DNAH1: variants seen among roughly 807,000 people sequenced by gnomAD.
DNAH1 encodes axonemal beta dynein heavy chain 1.
In DNAH1, 327 loss-of-function variants were observed where a neutral mutation model predicts 484.3. The observed-to-expected ratio is 0.68, with a 90% CI of 0.62 to 0.74. The LOEUF (loss-of-function observed/expected upper bound fraction) is 0.74, where lower values mean the gene tolerates loss of function less well. Among genes scored for constraint, DNAH1 ranks in the 30% least tolerant of loss-of-function variants. The probability of loss-of-function intolerance (pLI) is 0.00; values close to 1 mark genes in which losing one functional copy is unlikely to be tolerated. For synonymous variants in DNAH1, 2,192 were observed against 2,191.9 expected, an observed-to-expected ratio of 1.00 and a Z score of 0.00; for missense variants, 5,052 against 5,546.8, an observed-to-expected ratio of 0.91 and a Z score of 2.83.
rs749092447 is a variant in DNAH1 at position 52,331,199 on chromosome 3, T to G, written c.923T>G (p.Leu308Arg). 1.9e-6 allele frequency: 3 copies of G among 1,607,854 alleles called. No individual in the cohort carries two copies. The highest frequency in any genetic ancestry group is 2.7e-5 in the African/African-American group (2 of 74,850). ...LKYKWCEVGV[L>R]DYDEEKKLYL... ...TACAAATGGTGCGAGGTCGGCGTCCTGGACTACGACGAGGAGAAGAAGCTA... is the reference window on the plus strand; with the variant it reads ...TACAAATGGTGCGAGGTCGGCGTCCGGGACTACGACGAGGAGAAGAAGCTA... Residue 308 changes from leucine (L) to arginine (R), a missense_variant, in exon 7 of 78, where the codon CTG becomes CGG. Around this residue, in one of 4 missense-constraint regions of DNAH1, gnomAD observed 1,263 missense variants for 1,218.8 expected, o/e 1.04. Coordinates refer to ENST00000420323, the MANE Select transcript of DNAH1 (RefSeq NM_015512.5).
In DNAH1 at chr3:52,391,431, C is replaced by T. The variant is rs755241915; in HGVS notation, c.9892-12C>T. The T allele has an allele frequency of 1.6e-5, 25 of 1,605,934 alleles. No homozygotes were observed. In the South Asian group the frequency reaches 2.7e-4, roughly 17 times the overall value. ...CTCAGGCCACAGTACCCACCGGTCC[C>T]ACCCACCACAGACGTACAAGCAGCA... On this transcript the variant is annotated splice_polypyrimidine_tract_variant and intron_variant, in intron 62 of 77. Coordinates refer to ENST00000420323, the MANE Select transcript of DNAH1 (RefSeq NM_015512.5).
rs773433047 is a variant in DNAH1, at chr3:52,352,080, C to A, written c.2848C>A (p.Gln950Lys). The A allele has an allele frequency of 5.1e-6, 8 of 1,583,190 alleles. No individual in the cohort carries two copies. Among genetic ancestry groups the A allele is most frequent in the African/African-American group, 1.3e-5 (1 of 74,182 alleles). Residue 950 changes from glutamine (Q) to lysine (K), a missense_variant, in exon 17 of 78, where the codon CAA (glutamine) becomes AAA (lysine). By Grantham distance (53) the Gln-to-Lys change is moderately conservative. Around this residue, in one of 4 missense-constraint regions of DNAH1, gnomAD observed 1,263 missense variants for 1,218.8 expected, o/e 1.04. Transcript: ENST00000420323. ...CCAGATCATGGATCAGAACAACTTC[C>A]AAGAGAAGCTGGAAGGGCTGCAGGT... is the stretch of plus-strand genomic sequence containing the variant. ...KIQIMDQNNF[Q>K]EKLEGLQLVV...
At chr3:52,348,086 C>T in intron 12 of DNAH1, 112 bp downstream of exon 12, 3 of 1,125,610 alleles carry the variant, frequency 2.7e-6, no homozygotes, top group Middle Eastern at 2.9e-4. Flanking sequence ...TCCTGTCGGG[C>T]AGGCAGCATG....
intron 46 of DNAH1, among the ~76,000 whole-genome samples, chr3:52,376,509 C>A (rs998210608): frequency 6.6e-6 from 1 of 152,288 alleles, no homozygotes; most frequent in Non-Finnish European, 1.5e-5. Flanking sequence ...CTTACCTGCG[C>A]CCTGCCTTCC....
Position 52,366,745 on chromosome 3 carries a change from C to A in DNAH1, c.5623C>A (p.Leu1875Met). 1 of 1,612,570 alleles carries A rather than the reference C, an allele frequency of 6.2e-7. No individual in the cohort carries two copies. Among genetic ancestry groups the A allele is most frequent in the Non-Finnish European group, 8.5e-7 (1 of 1,178,988 alleles). ...GSGKSTCYRV[L>M]AAAMTSLKGQ... is the part of the protein sequence containing the mutation. ...GTCCGTCTCCCAGTGTTACAGAGTCCTGGCAGCTGCCATGACGTCACTGAA... is the reference window on the plus strand; with the variant it reads ...GTCCGTCTCCCAGTGTTACAGAGTCATGGCAGCTGCCATGACGTCACTGAA... Residue 1875 changes from leucine to methionine, a missense_variant, in exon 36 of 78, where the codon CTG becomes ATG. This residue lies in a region of DNAH1 where 2,929 missense variants were observed against 3,409.4 expected (regional missense o/e 0.86). Transcript: ENST00000420323.
At chr3:52,327,800 C>T in intron 5 of DNAH1, 82 bp from the exon 6 acceptor site, 1 of 1,544,868 alleles carries the variant, frequency 6.5e-7, no homozygotes, top group Non-Finnish European at 8.9e-7. Context: ...TACTTAGGCA[C>T]CCCATCCTTT....
intron 6 of DNAH1, 105 bp from the exon 7 acceptor site, chr3:52,331,043 A>C: frequency 7.4e-7 from 1 of 1,359,538 alleles, no homozygotes; most frequent in Non-Finnish European, 9.9e-7. Flanking sequence ...GAGACGCCAG[A>C]CTGGTGATCT....
rs1704240503 is a variant in DNAH1 at position 52,388,873 on chromosome 3, T to C, written c.9431T>C (p.Leu3144Pro). Residue 3144 changes from leucine (L) to proline (P), a missense_variant, in exon 59 of 78, where the codon CTC (leucine) becomes CCC (proline). Transcript: ENST00000420323. ...ACGGTGGAGAACCTGCAGTACATGC[T>C]CAACAACATCTCCGGCGATGTCCTG... ...QETVENLQYM[L>P]NNISGDVLVA... is the part of the protein sequence containing the mutation. 6.2e-7 allele frequency: 1 copy of C among 1,613,742 alleles called. No homozygotes were observed. The highest frequency in any genetic ancestry group is 8.5e-7 in the Non-Finnish European group (1 of 1,179,828).
intron 12 of DNAH1, 82 bp from the exon 13 acceptor site, chr3:52,348,806 C>G: frequency 6.7e-7 from 1 of 1,493,894 alleles, no homozygotes; most frequent in East Asian, 2.3e-5. Flanking sequence ...CCCTGCTCCT[C>G]GGGAGGACTC....
rs61209080 is a variant in DNAH1, at chr3:52,393,525, G to A, written c.10626+40G>A. 3.7e-5 allele frequency: 59 copies of A among 1,608,208 alleles called. No individual in the cohort carries two copies. In the East Asian group the frequency reaches 1.3e-3, roughly 36 times the overall value. ...ACCCAGGACAGACTGCCTGAGGGGT[G>A]GCCCTGTGGCAGGGCCTGAGAACAG... On this transcript the variant is annotated intron_variant, in intron 66 of 77. Coordinates refer to ENST00000420323, the MANE Select transcript of DNAH1 (RefSeq NM_015512.5).
chr3:52,398,933 A>G lies in DNAH1; in HGVS notation c.12173A>G (p.Gln4058Arg), dbSNP rs563037923. The G allele has an allele frequency of 6.2e-7, 1 of 1,613,298 alleles. No individual in the cohort carries two copies. Among genetic ancestry groups the G allele is most frequent in the South Asian group, 1.1e-5 (1 of 91,026 alleles). ...AAGGGGCTGGTAGTGATGTCCTCTC[A>G]GCTGGAGCTGATGGCTGCCAGCCTG... is the stretch of plus-strand genomic sequence containing the variant. ...ALKGLVVMSS[Q>R]LELMAASLYN... Residue 4058 changes from glutamine to arginine, a missense_variant, in exon 76 of 78, where the codon CAG becomes CGG. Coordinates refer to ENST00000420323, the MANE Select transcript of DNAH1 (RefSeq NM_015512.5).
chr3:52,322,850 T>A, intron 2 of DNAH1, 75 bp downstream of exon 2: 1 of 1,262,112 alleles, frequency 7.9e-7, no homozygotes, highest in African/African-American at 1.5e-5. Context: ...TTCATCCTTC[T>A]CCCCATCAGT....
chr3:52,359,194 T>C (rs1189107708), intron 25 of DNAH1, 52 bp from the exon 26 acceptor site: 3 of 1,538,290 alleles, frequency 2.0e-6, no homozygotes, highest in Non-Finnish European at 2.6e-6. Flanking sequence ...GAAGAAAGAA[T>C]GGGATTGGGG....
At chr3:52,384,588 C>T (rs559183503) in intron 52 of DNAH1, among the ~76,000 whole-genome samples, 198 bp from the exon 53 acceptor site, 1 of 152,314 alleles carries the variant, frequency 6.6e-6, no homozygotes, top group East Asian at 1.9e-4. Context: ...CCCTGGACTT[C>T]CCTGGGCCTG....
Position 52,363,107 on chromosome 3 carries a change from C to T in DNAH1, c.5207C>T (p.Thr1736Ile), listed in dbSNP as rs893203197. ...EASVLAKKIT[T>I]TFKLSSEQLS... The stretch of plus-strand genomic sequence containing the variant: ...AGTGTGCTGGCTAAGAAGATCACAA[C>T]CACCTTCAAGCTGTCTTCTGAGCAG... The change falls in exon 32 of 78, where the codon ACC becomes ATC. Residue 1736 changes from threonine to isoleucine, a missense_variant. Physicochemically the swap from Thr to Ile is moderately conservative, Grantham distance 89 (BLOSUM62 -1). This residue lies in a region of DNAH1 where 2,929 missense variants were observed against 3,409.4 expected (regional missense o/e 0.86). Transcript: ENST00000420323. The T allele has an allele frequency of 5.0e-6, 8 of 1,613,984 alleles. No homozygotes were observed. Among genetic ancestry groups the T allele is most frequent in the East Asian group, 2.2e-5 (1 of 44,884 alleles).
chr3:52,366,990 C>T, intron 36 of DNAH1, 103 bp downstream of exon 36: 2 of 1,380,202 alleles, frequency 1.4e-6, no homozygotes, highest in Non-Finnish European at 2.0e-6. Flanking sequence ...GAAGGCCGGG[C>T]TCTGCAGCCC....
At position 52,379,533 on chromosome 3, in the gene DNAH1, T is replaced by A. The variant is rs1230659841; in HGVS notation, c.7378-372T>A. Among the ~76,000 whole-genome samples, 1 of 151,768 alleles carries A rather than the reference T, an allele frequency of 6.6e-6. No individual in the cohort carries two copies. Among genetic ancestry groups the A allele is most frequent in the Non-Finnish European group, 1.5e-5 (1 of 67,942 alleles). On this transcript the variant is annotated intron_variant, in intron 47 of 77. Coordinates refer to ENST00000420323, the MANE Select transcript of DNAH1 (RefSeq NM_015512.5). The surrounding 1 kb of genome is among the most constrained non-coding windows in gnomAD (Gnocchi z 4.4). ...TTGGTGGGTGGTTAGATGTGGGGTG[T>A]TGGGAAAGTGTTAGGAGCATCAAGC...
At chr3:52,319,505 A>G (rs762392780) in intron 1 of DNAH1, among the ~76,000 whole-genome samples, 2 of 152,252 alleles carry the variant, frequency 1.3e-5, no homozygotes, top group East Asian at 1.9e-4. Flanking sequence ...TAAGCCACCA[A>G]TAACATTCAC....
At chr3:52,383,807 C>T (rs979563246) in intron 51 of DNAH1, 53 bp from the exon 52 acceptor site, 11 of 1,528,812 alleles carry the variant, frequency 7.2e-6, no homozygotes, top group Admixed American at 4.0e-5. Context: ...TCCTGGGCTC[C>T]TGGGGTCGTT....
Sources: allele counts gnomAD v4.1 joint callset (sites outside exome capture counted in the v4.1 genomes callset), GRCh38; gene constraint gnomAD v4.1.1; regional missense constraint gnomAD v4.1.1; non-coding constraint Gnocchi (gnomAD v3.1); transcripts MANE v1.5; gene names NCBI Gene and HGNC (gene_info 2026-07-23, HGNC 2026-07-21).